The following DNAH9 variants were observed in gnomAD, a reference collection of about 807,000 sequenced individuals.
The protein encoded by DNAH9 is DNAH9 variant protein.
Under a neutral mutation model 471.6 loss-of-function variants are expected in DNAH9, and 345 were observed. The ratio of observed to expected loss-of-function variants is 0.73; its 90% CI spans 0.67 to 0.80. The LOEUF is 0.80. Ranked by LOEUF, DNAH9 falls within the 30% of genes least tolerant of loss-of-function variation. The probability of loss-of-function intolerance (pLI) is 0.00; values close to 1 mark genes in which losing one functional copy is unlikely to be tolerated. For missense variants in DNAH9, 5,407 were observed against 5,609.2 expected (o/e 0.96, Z 1.15); for synonymous variants, 2,093 against 2,123.6 (o/e 0.99, Z 0.40).
intron 59 of DNAH9, among the ~76,000 whole-genome samples, chr17:11,901,295 T>C (rs747700314): frequency 2.6e-5 from 4 of 152,184 alleles, no homozygotes; most frequent in African/African-American, 9.7e-5. Context: ...AAGCTCTTTA[T>C]TAAAGATGTC....
intron 28 of DNAH9, among the ~76,000 whole-genome samples, chr17:11,737,038 A>G (rs771858507): frequency 6.6e-6 from 1 of 152,232 alleles, no homozygotes; most frequent in Admixed American, 6.5e-5. Context: ...AAGAGGCTCC[A>G]TGGCAGAGCT....
At position 11,669,225 on chromosome 17, in the gene DNAH9, C is replaced by A. The variant is rs775908702; in HGVS notation, c.2893C>A (p.Arg965=). The A allele has an allele frequency of 1.2e-6, 2 of 1,613,804 alleles. No homozygotes were observed. Among genetic ancestry groups the A allele is most frequent in the Non-Finnish European group, 1.7e-6 (2 of 1,179,928 alleles). ...SIFRIPSLVP[R]LSPQNGSPHY... is the part of the protein sequence containing the mutation. The stretch of plus-strand genomic sequence containing the variant: ...TTTTAGGATACCATCTCTGGTGCCA[C>A]GGCTTTCCCCACAAAATGGCTCTCC... The change falls in exon 16 of 69, where the codon CGG becomes AGG. Residue 965 remains arginine, a synonymous_variant. Transcript: ENST00000262442.
Position 11,752,914 on chromosome 17 carries a change from A to T in DNAH9, c.6692A>T (p.Asp2231Val). 6.2e-7 allele frequency: 1 copy of T among 1,608,040 alleles called. No individual in the cohort carries two copies. Among genetic ancestry groups the T allele is most frequent in the Non-Finnish European group, 8.5e-7 (1 of 1,176,634 alleles). ...PKWILLDGDI[D>V]PMWIESLNTV... ...TGGATTTTACTGGATGGCGACATAG[A>T]TCCAATGTGGATTGAATCCCTGAAT... The change falls in exon 33 of 69, where the codon GAT becomes GTT. Residue 2231 changes from aspartate (D) to valine (V), a missense_variant. Asp to Val is a radical substitution (Grantham distance 152, BLOSUM62 -3). Coordinates refer to ENST00000262442, the MANE Select transcript of DNAH9 (RefSeq NM_001372.4).
chr17:11,930,765 C>CA (rs11371438), intron 63 of DNAH9, among the ~76,000 whole-genome samples: 100,692 of 125,620 alleles, frequency 0.8, 40,034 homozygotes, highest in South Asian at 0.86. Flanking sequence ...ACTCCATCTC[C>CA]AAAAAAAAAA....
chr17:11,887,665 A>G (rs913471797), intron 57 of DNAH9, among the ~76,000 whole-genome samples: 3 of 152,326 alleles, frequency 2.0e-5, no homozygotes, highest in Admixed American at 1.3e-4. Context: ...ACATGCATAC[A>G]TATACACACA....
rs187265383 is a variant in DNAH9, at chr17:11,657,542, T to C, written c.2595+4540T>C. Among the ~76,000 whole-genome samples the C allele has an allele frequency of 5.5e-4, 83 of 152,218 alleles. 2 individuals carry two copies. Among genetic ancestry groups the C allele is most frequent in the Non-Finnish European group, 2.5e-4 (17 of 67,938 alleles). ...TGATATATGTTGATGAGAAATAGTTTTAAATTTTCATGTTGTGTGATTTCC... is the reference window on the plus strand; with the variant it reads ...TGATATATGTTGATGAGAAATAGTTCTAAATTTTCATGTTGTGTGATTTCC... On this transcript the variant is annotated intron_variant, in intron 14 of 68. Transcript: ENST00000262442.
At chr17:11,616,560 C>G (rs191005496) in intron 4 of DNAH9, among the ~76,000 whole-genome samples, 1 of 152,330 alleles carries the variant, frequency 6.6e-6, no homozygotes, top group East Asian at 1.9e-4. Context: ...CACAAGACGA[C>G]TGGTTAAAGG....
intron 62 of DNAH9, among the ~76,000 whole-genome samples, chr17:11,925,777 G>C (rs537831290): frequency 6.6e-6 from 1 of 152,266 alleles, no homozygotes; most frequent in Admixed American, 6.5e-5. Context: ...CCTGGTGACT[G>C]GACATTTCCA....
At chr17:11,703,462 G>A (rs576265727) in intron 24 of DNAH9, among the ~76,000 whole-genome samples, 2 of 152,260 alleles carry the variant, frequency 1.3e-5, no homozygotes, top group East Asian at 3.9e-4. Flanking sequence ...TGCAGTAAAT[G>A]TCATCTAGAG....
At chr17:11,619,939 G>A (rs866191321) in intron 6 of DNAH9, 158 bp downstream of exon 6, 4 of 604,434 alleles carry the variant, frequency 6.6e-6, no homozygotes, top group South Asian at 2.0e-5. Flanking sequence ...CAGTCACAGT[G>A]GCTCATGCCT....
At chr17:11,958,696 T>G (rs546537111) in intron 67 of DNAH9, among the ~76,000 whole-genome samples, 2 of 151,604 alleles carry the variant, frequency 1.3e-5, no homozygotes, top group East Asian at 3.9e-4. Flanking sequence ...ATCTCTGTAC[T>G]TGCTGCTCAA....
intron 53 of DNAH9, among the ~76,000 whole-genome samples, chr17:11,876,707 T>A (rs574505765): frequency 6.6e-6 from 1 of 150,454 alleles, no homozygotes; most frequent in African/African-American, 2.4e-5. Context: ...TCAGGTTTTG[T>A]TTTTTTTGTT....
At chr17:11,603,156 A>G (rs2072421610) in intron 1 of DNAH9, among the ~76,000 whole-genome samples, 1 of 152,184 alleles carries the variant, frequency 6.6e-6, no homozygotes, top group Admixed American at 6.5e-5. Context: ...CCAGGGAAAA[A>G]CCAATGGGCT....
At chr17:11,785,185 T>C (rs1375398033) in intron 41 of DNAH9, among the ~76,000 whole-genome samples, 1 of 152,092 alleles carries the variant, frequency 6.6e-6, no homozygotes, top group African/African-American at 2.4e-5. Context: ...ACCCAGACCC[T>C]TTCTTCCGTC....
At chr17:11,641,963 G>A (rs929335636) in intron 10 of DNAH9, among the ~76,000 whole-genome samples, 4 of 152,008 alleles carry the variant, frequency 2.6e-5, no homozygotes, top group Admixed American at 6.6e-5. Context: ...TTCTGCCTCC[G>A]TACCCCTACA....
chr17:11,608,084 A>G (rs2072547347), intron 1 of DNAH9, 45 bp from the exon 2 acceptor site: 1 of 1,438,474 alleles, frequency 7.0e-7, no homozygotes, highest in Non-Finnish European at 9.5e-7. Flanking sequence ...TTAAGTTCTC[A>G]GAATTGGAAC....
chr17:11,639,312 G>A (rs903611501), intron 9 of DNAH9, among the ~76,000 whole-genome samples: 1 of 152,230 alleles, frequency 6.6e-6, no homozygotes, highest in Non-Finnish European at 1.5e-5. Context: ...TGAAATAAAG[G>A]AAGTAGCCAC....
chr17:11,669,023 T>C, intron 15 of DNAH9, 41 bp from the exon 16 acceptor site: 8 of 1,414,244 alleles, frequency 5.7e-6, no homozygotes, highest in Non-Finnish European at 7.9e-6. Flanking sequence ...GTCCATTTTA[T>C]CCACTCTTTG....
chr17:11,863,876 A>G (rs1220909522), intron 50 of DNAH9, among the ~76,000 whole-genome samples: 1 of 151,526 alleles, frequency 6.6e-6, no homozygotes, highest in Non-Finnish European at 1.5e-5. Flanking sequence ...TATCCCCTTT[A>G]TCATTTTTTA....
Sources: gnomAD v4.1 joint callset for allele counts (sites outside exome capture counted in the v4.1 genomes callset) on GRCh38, gnomAD v4.1.1 for gene constraint, MANE v1.5 for transcripts, NCBI Gene and HGNC (gene_info 2026-07-23, HGNC 2026-07-21) for gene names.